Variants in JARID2 observed in about 807,000 individuals in gnomAD.
JARID2 encodes protein Jumonji.
Under a neutral mutation model 125.6 loss-of-function variants are expected in JARID2, and 21 were observed. That is an observed-to-expected ratio of 0.17 (90% confidence interval 0.12 to 0.24). JARID2 has a LOEUF of 0.24. JARID2 is among the 10% of genes least tolerant of loss of function. JARID2 has a pLI of 1.00. For missense variants in JARID2, 1,303 were observed against 1,639.6 expected (o/e 0.79, Z 3.55); for synonymous variants, 736 against 661.6 (o/e 1.11, Z -1.73).
At chr6:15,457,054 G>C (rs936175121) in intron 4 of JARID2, among the ~76,000 whole-genome samples, 1 of 151,902 alleles carries the variant, frequency 6.6e-6, no homozygotes, top group Non-Finnish European at 1.5e-5. Flanking sequence ...TGAGCATTCT[G>C]TGTGCATGTA....
chr6:15,492,285 G>A (rs2127726108), intron 6 of JARID2, among the ~76,000 whole-genome samples: 1 of 152,344 alleles, frequency 6.6e-6, no homozygotes, highest in East Asian at 1.9e-4. Flanking sequence ...GTCATTCAAT[G>A]GAGGGTCCTG....
At chr6:15,400,915 T>G (rs1373461008) in intron 2 of JARID2, 1 of 1,289,176 alleles carries the variant, frequency 7.8e-7, no homozygotes, top group South Asian at 1.2e-5. Flanking sequence ...CTGTCCTTCT[T>G]CCTCTCTGTC....
At position 15,451,954 on chromosome 6, in the gene JARID2, A is replaced by G. The variant is rs548572109; in HGVS notation, c.324-52A>G. ...TGATTTTATTGCCGCACGTAGGCCTATATCCTCCAGTCTCTGCTTAATTTA... is the reference window on the plus strand; with the variant it reads ...TGATTTTATTGCCGCACGTAGGCCTGTATCCTCCAGTCTCTGCTTAATTTA... On this transcript the variant is annotated intron_variant, in intron 3 of 17. Transcript: ENST00000341776. 57 of 1,577,986 alleles carry G rather than the reference A, an allele frequency of 3.6e-5. No individual in the cohort carries two copies. The Admixed American group carries it at 4.3e-4, about 12-fold the overall frequency.
chr6:15,313,660 A>C (rs1447936335), intron 1 of JARID2, among the ~76,000 whole-genome samples: 1 of 152,166 alleles, frequency 6.6e-6, no homozygotes, highest in Non-Finnish European at 1.5e-5. Context: ...TTGTGGCATT[A>C]GTGTTTTGAC....
At chr6:15,420,908 AT>A (rs1488549027) in intron 3 of JARID2, among the ~76,000 whole-genome samples, 1 of 152,178 alleles carries the variant, frequency 6.6e-6, no homozygotes, top group Non-Finnish European at 1.5e-5. Flanking sequence ...TGCTTTTACA[AT>A]TTGGATACTG....
chr6:15,508,333 GTT>G lies in JARID2; in HGVS notation c.2732-4_2732-3del. On this transcript the variant is annotated splice_region_variant and splice_polypyrimidine_tract_variant and intron_variant, in intron 11 of 17. Transcript: ENST00000341776. ...TAAAAATGCCCTTTTCACTCTTTCT[GTT>G]TTAGGAGTGACTATTCCCTGGCTAA... is the stretch of plus-strand genomic sequence containing the variant. 6.8e-7 allele frequency: 1 copy of G among 1,468,824 alleles called. No individual in the cohort carries two copies. The highest frequency in any genetic ancestry group is 9.5e-7 in the Non-Finnish European group (1 of 1,047,584). 91.0% of individuals were successfully genotyped at this position (1,468,824 alleles called of 1,614,324 possible). A position where few individuals can be genotyped will look rare whatever the true frequency, so the allele number is the denominator to read the frequency against.
intron 1 of JARID2, among the ~76,000 whole-genome samples, chr6:15,369,594 G>A (rs1239171758): frequency 6.6e-6 from 1 of 152,206 alleles, no homozygotes; most frequent in Admixed American, 6.5e-5. Flanking sequence ...GTTTACAGAG[G>A]ACAAAGGGGA....
rs190493478 is a variant in JARID2, at chr6:15,487,418, G to A, written c.782G>A (p.Arg261His). ...CACAGCGATCACCGGGCTGACAGCCGCCGGGAGCAGGCTTCAGCTAACCAC... is the reference window on the plus strand; with the variant it reads ...CACAGCGATCACCGGGCTGACAGCCACCGGGAGCAGGCTTCAGCTAACCAC... ...EKHSDHRADSRREQASANHPA... is the reference protein window; with the variant it reads ...EKHSDHRADSHREQASANHPA... The change falls in exon 6 of 18, where the codon CGC (arginine) becomes CAC (histidine). Residue 261 changes from arginine to histidine, a missense_variant. Transcript: ENST00000341776. The A allele has an allele frequency of 7.2e-5, 117 of 1,614,240 alleles. 1 individual carries two copies. The highest frequency in any genetic ancestry group is 3.8e-4 in the Admixed American group (23 of 60,030).
intron 3 of JARID2, among the ~76,000 whole-genome samples, chr6:15,422,390 C>CTG (rs1766535107): frequency 1.3e-5 from 2 of 152,198 alleles, no homozygotes; most frequent in Non-Finnish European, 2.9e-5. Context: ...ATTTCACGCA[C>CTG]TGTGCCTTCA....
intron 1 of JARID2, among the ~76,000 whole-genome samples, chr6:15,340,680 C>G (rs753255943): frequency 2.6e-5 from 4 of 152,164 alleles, no homozygotes; most frequent in Non-Finnish European, 5.9e-5. Context: ...CCATTTATAG[C>G]CATGATGGTA....
At position 15,366,742 on chromosome 6, in the gene JARID2, CAGTGGA is replaced by C. The variant is rs1315802903; in HGVS notation, c.46-7372_46-7367del. Reference sequence around the variant, plus strand: ...GCCTTTGATGTCCTGTGCCCCTGCCCAGTGGAAGCAGGATTGTTTTTTTGCAGCACC... The same window carrying C: ...GCCTTTGATGTCCTGTGCCCCTGCCCAGCAGGATTGTTTTTTTGCAGCACC... On this transcript the variant is annotated intron_variant, in intron 1 of 17. Coordinates refer to ENST00000341776, the MANE Select transcript of JARID2 (RefSeq NM_004973.4). 2.6e-5 allele frequency among the ~76,000 whole-genome samples: 4 copies of C among 152,136 alleles called. No homozygotes were observed. In the East Asian group the frequency reaches 5.8e-4, roughly 22 times the overall value.
intron 3 of JARID2, among the ~76,000 whole-genome samples, chr6:15,410,962 G>T (rs1765851464): frequency 6.6e-6 from 1 of 152,108 alleles, no homozygotes; most frequent in Non-Finnish European, 1.5e-5. Context: ...AACAGTTTGT[G>T]GTTTCATGGT....
intron 3 of JARID2, among the ~76,000 whole-genome samples, chr6:15,438,228 GAC>G (rs1247834375): frequency 6.6e-6 from 1 of 152,130 alleles, no homozygotes; most frequent in African/African-American, 2.4e-5. Context: ...GCAGTGGATT[GAC>G]ACAGTTAAAG....
At chr6:15,340,890 G>A (rs1297242321) in intron 1 of JARID2, among the ~76,000 whole-genome samples, 3 of 152,166 alleles carry the variant, frequency 2.0e-5, no homozygotes, top group African/African-American at 7.2e-5. Flanking sequence ...TTGCCTCCAA[G>A]CTGTGTCTTG....
At chr6:15,249,114 T>A in intron 1 of JARID2, 1 of 202,324 alleles carries the variant, frequency 4.9e-6, no homozygotes, top group Non-Finnish European at 8.8e-6. Flanking sequence ...GGTGTTGCAT[T>A]ACTAGCGTGG....
intron 1 of JARID2, among the ~76,000 whole-genome samples, chr6:15,336,115 G>A (rs63251961): frequency 1.4e-3 from 83 of 58,312 alleles, no homozygotes; most frequent in Middle Eastern, 0.011. Flanking sequence ...ATGAATGAAT[G>A]AATAAATAAA....
intron 1 of JARID2, among the ~76,000 whole-genome samples, chr6:15,334,992 C>G (rs1211804163): frequency 6.6e-6 from 1 of 152,166 alleles, no homozygotes; most frequent in South Asian, 2.1e-4. Context: ...GCCTTACTTT[C>G]TCTCTTGATT....
At chr6:15,517,096 C>T in intron 16 of JARID2, 65 bp from the exon 17 acceptor site, 8 of 1,265,976 alleles carry the variant, frequency 6.3e-6, no homozygotes, top group Non-Finnish European at 9.2e-6. Flanking sequence ...CGTGCTCCTA[C>T]CTTACCCTCC....
At chr6:15,392,793 T>G (rs1205707439) in intron 2 of JARID2, among the ~76,000 whole-genome samples, 1 of 151,138 alleles carries the variant, frequency 6.6e-6, no homozygotes, top group Non-Finnish European at 1.5e-5. Context: ...CAAGTAATTC[T>G]CATGCCTCAT....
Sources: gnomAD v4.1 joint callset for allele counts (sites outside exome capture counted in the v4.1 genomes callset) on GRCh38, gnomAD v4.1.1 for gene constraint, MANE v1.5 for transcripts, NCBI Gene and HGNC (gene_info 2026-07-23, HGNC 2026-07-21) for gene names.